GAS2: variants seen among roughly 807,000 people sequenced by gnomAD.
GAS2 encodes growth arrest specific 2.
In GAS2, 20 loss-of-function variants were observed where a neutral mutation model predicts 37.5. That is an observed-to-expected ratio of 0.53 (90% CI 0.37 to 0.77). The LOEUF is 0.77. Among genes scored for constraint, GAS2 ranks in the 30% least tolerant of loss-of-function variants. The pLI is 0.00. For synonymous variants in GAS2, 144 were observed against 132.2 expected (o/e 1.09, Z -0.61); for missense variants, 336 against 373.4 (o/e 0.90, Z 0.82).
chr11:22,627,028 A>G (rs561690964), intron 1 of GAS2, among the ~76,000 whole-genome samples: 45 of 152,276 alleles, frequency 3.0e-4, no homozygotes, highest in Non-Finnish European at 5.6e-4. Context: ...TCTGACCTCA[A>G]GTGATCCTCC....
At chr11:22,647,012 A>G (rs1473054648) in intron 1 of GAS2, among the ~76,000 whole-genome samples, 4 of 151,014 alleles carry the variant, frequency 2.6e-5, no homozygotes, top group Non-Finnish European at 5.9e-5. Context: ...ATGCTGGTGC[A>G]CTGCACCCAC....
chr11:22,642,641 A>G lies in GAS2; in HGVS notation c.-21+16828A>G, dbSNP rs337500. 9.5e-3 allele frequency among the ~76,000 whole-genome samples: 1,442 copies of G among 152,284 alleles called. 20 individuals are homozygous for G. Among genetic ancestry groups the G allele is most frequent in the African/African-American group, 0.03 (1,256 of 41,566 alleles). ...ACATCTGGATTATTTTAAATCAGCA[A>G]TCGATACCAGCTGAAAGCTTATTTT... On this transcript the variant is annotated intron_variant, in intron 1 of 5. Transcript: ENST00000528582.
At chr11:22,804,430 T>G (rs558254769) in intron 7 of GAS2, among the ~76,000 whole-genome samples, 4 of 152,112 alleles carry the variant, frequency 2.6e-5, no homozygotes, top group Non-Finnish European at 4.4e-5. Flanking sequence ...AAAATAAAGT[T>G]TAAGGACCAT....
intron 3 of GAS2, among the ~76,000 whole-genome samples, chr11:22,693,607 G>C (rs1850357450): frequency 6.6e-6 from 1 of 152,090 alleles, no homozygotes; most frequent in African/African-American, 2.4e-5. Flanking sequence ...CATTTTTTGA[G>C]AATATCCATG....
chr11:22,813,043 T>G (rs1217360293), downstream of GAS2: 1 of 152,556 alleles, frequency 6.6e-6, no homozygotes. Flanking sequence ...TCAAGTTAAT[T>G]TTCAAATGGC....
chr11:22,631,669 A>G (rs1359922103), intron 1 of GAS2, among the ~76,000 whole-genome samples: 3 of 152,088 alleles, frequency 2.0e-5, no homozygotes, highest in Non-Finnish European at 4.4e-5. Context: ...TGGGATGAAT[A>G]CCACTTGATC....
intron 3 of GAS2, among the ~76,000 whole-genome samples, chr11:22,718,930 G>T (rs1430971790): frequency 6.6e-6 from 1 of 152,012 alleles, no homozygotes; most frequent in African/African-American, 2.4e-5. Context: ...TGGAAGGAAT[G>T]CATTTGTTGT....
At chr11:22,639,683 A>G (rs529539966) in intron 1 of GAS2, among the ~76,000 whole-genome samples, 3 of 152,182 alleles carry the variant, frequency 2.0e-5, no homozygotes, top group Non-Finnish European at 2.9e-5. Flanking sequence ...TATAAACGCC[A>G]TACTAAATCT....
intron 5 of GAS2, among the ~76,000 whole-genome samples, chr11:22,745,148 C>G (rs1347796988): frequency 7.0e-6 from 1 of 143,208 alleles, no homozygotes; most frequent in Non-Finnish European, 1.5e-5. Context: ...GAAAAAAGCC[C>G]AAATAGCAAA....
At chr11:22,750,779 T>A (rs1354518947) in intron 6 of GAS2, among the ~76,000 whole-genome samples, 1 of 151,998 alleles carries the variant, frequency 6.6e-6, no homozygotes, top group African/African-American at 2.4e-5. Context: ...CTAGTCTTTA[T>A]GTTATAAATA....
chr11:22,636,652 A>T (rs1200952020), intron 1 of GAS2, among the ~76,000 whole-genome samples: 1 of 152,102 alleles, frequency 6.6e-6, no homozygotes, highest in African/African-American at 2.4e-5. Context: ...CATATGAATT[A>T]ATGTTAATCA....
At chr11:22,800,619 C>T (rs1474522371) in intron 7 of GAS2, among the ~76,000 whole-genome samples, 1 of 151,920 alleles carries the variant, frequency 6.6e-6, no homozygotes, top group Non-Finnish European at 1.5e-5. Flanking sequence ...CTCCTGCTGC[C>T]CTCAGTTTTC....
intron 3 of GAS2, among the ~76,000 whole-genome samples, chr11:22,701,769 C>T (rs900694164): frequency 4.6e-5 from 7 of 151,928 alleles, no homozygotes; most frequent in African/African-American, 1.7e-4. Context: ...GTGGAGGTTG[C>T]AGTGAGCCGA....
At chr11:22,728,715 T>A (rs1852333885) in intron 4 of GAS2, among the ~76,000 whole-genome samples, 1 of 151,834 alleles carries the variant, frequency 6.6e-6, no homozygotes, top group African/African-American at 2.4e-5. Flanking sequence ...AAGTGATATG[T>A]AATAGGCTCT....
At chr11:22,639,731 C>T (rs1472873218) in intron 1 of GAS2, among the ~76,000 whole-genome samples, 1 of 151,984 alleles carries the variant, frequency 6.6e-6, no homozygotes, top group Non-Finnish European at 1.5e-5. Flanking sequence ...GGGGAAAACA[C>T]ACTAGGTTTA....
intron 4 of GAS2, among the ~76,000 whole-genome samples, chr11:22,734,289 C>T (rs1852630255): frequency 6.6e-6 from 1 of 151,714 alleles, no homozygotes; most frequent in Non-Finnish European, 1.5e-5. Context: ...GAACTTTGTA[C>T]TTAGCATCAA....
intron 6 of GAS2, among the ~76,000 whole-genome samples, chr11:22,749,576 A>G (rs966620632): frequency 6.6e-6 from 1 of 152,090 alleles, no homozygotes; most frequent in Non-Finnish European, 1.5e-5. Flanking sequence ...CCCCTTTCAC[A>G]GATGAGAAGT....
At chr11:22,672,600 T>C (rs1849248933) in intron 1 of GAS2, 1 of 152,186 alleles carries the variant, frequency 6.6e-6, no homozygotes, top group African/African-American at 2.4e-5. Context: ...GTAAAGTTAC[T>C]GAACAGCCAC....
At position 22,702,897 on chromosome 11, in the gene GAS2, C is replaced by T. The variant is rs147126972; in HGVS notation, c.267+17108C>T. Among the ~76,000 whole-genome samples the T allele has an allele frequency of 1.9e-3, 287 of 152,246 alleles. 2 individuals carry two copies. Among genetic ancestry groups the T allele is most frequent in the African/African-American group, 6.4e-3 (266 of 41,556 alleles). On this transcript the variant is annotated intron_variant, in intron 3 of 7. Coordinates refer to ENST00000454584, the MANE Select transcript of GAS2 (RefSeq NM_001143830.3). The stretch of plus-strand genomic sequence containing the variant: ...TTTGTCTAGATTCCAGAGGCTACTA[C>T]ATTTATTTGAATCTGCTTATAAAGA...
Sources: allele counts gnomAD v4.1 joint callset (sites outside exome capture counted in the v4.1 genomes callset), GRCh38; gene constraint gnomAD v4.1.1; transcripts MANE v1.5; gene names NCBI Gene and HGNC (gene_info 2026-07-23, HGNC 2026-07-21).